TUSC3: variants seen among roughly 807,000 people sequenced by gnomAD.
The protein encoded by TUSC3 is dolichyl-diphosphooligosaccharide--protein glycosyltransferase subunit TUSC3.
In TUSC3, 45 loss-of-function variants were observed where a neutral mutation model predicts 44.8. The ratio of observed to expected loss-of-function variants is 1.00; its 90% CI spans 0.79 to 1.29. TUSC3 has a LOEUF of 1.29. TUSC3 is among the 50% of genes most tolerant of loss of function. The pLI is 0.00. For synonymous variants in TUSC3, 212 were observed against 152.9 expected, an observed-to-expected ratio of 1.39 and a Z score of -2.85; for missense variants, 519 against 437.9, an observed-to-expected ratio of 1.19 and a Z score of -1.65.
chr8:15,420,324 T>C (rs112210246), intron 1 of TUSC3, among the ~76,000 whole-genome samples: 5,384 of 151,828 alleles, frequency 0.035, 308 homozygotes, highest in African/African-American at 0.12. Flanking sequence ...TGGGGAAACC[T>C]CGTCTCTACT....
At chr8:15,459,563 C>T (rs1800312166) in intron 1 of TUSC3, among the ~76,000 whole-genome samples, 1 of 151,938 alleles carries the variant, frequency 6.6e-6, no homozygotes, top group Non-Finnish European at 1.5e-5. Flanking sequence ...TTGGTGCAGC[C>T]ATCGCCCAAG....
At chr8:15,784,718 C>T in the TUSC3 span, among the ~76,000 whole-genome samples, 6 of 151,908 alleles carry the variant, frequency 3.9e-5, no homozygotes, top group Non-Finnish European at 5.9e-5. Context: ...AGAGTCAAAC[C>T]CATCGAAGCA....
At chr8:15,622,559 C>G (rs575032638) in intron 1 of TUSC3, among the ~76,000 whole-genome samples, 76 of 152,324 alleles carry the variant, frequency 5.0e-4, no homozygotes, top group African/African-American at 1.8e-3. Context: ...AGACTAGCCA[C>G]CATAATGACT....
At chr8:15,525,807 C>T (rs1801366001) in intron 2 of TUSC3, among the ~76,000 whole-genome samples, 1 of 152,064 alleles carries the variant, frequency 6.6e-6, no homozygotes, top group Non-Finnish European at 1.5e-5. Context: ...AGCAGAGACA[C>T]AGGTGCAAAA....
At chr8:15,590,600 T>C (rs1336969361) in intron 1 of TUSC3, among the ~76,000 whole-genome samples, 3 of 152,020 alleles carry the variant, frequency 2.0e-5, no homozygotes, top group Non-Finnish European at 4.4e-5. Context: ...TGTTGCTCTA[T>C]GTGGGGGATT....
intron 1 of TUSC3, among the ~76,000 whole-genome samples, chr8:15,579,051 G>A (rs1803221662): frequency 6.6e-6 from 1 of 151,888 alleles, no homozygotes; most frequent in African/African-American, 2.4e-5. Context: ...TTGGGAGAGT[G>A]TATGTGTTGA....
At chr8:15,455,873 G>C (rs1800250567) in intron 1 of TUSC3, among the ~76,000 whole-genome samples, 1 of 152,178 alleles carries the variant, frequency 6.6e-6, no homozygotes, top group African/African-American at 2.4e-5. Flanking sequence ...GGAGGATAGA[G>C]GAGACTGAAT....
At chr8:15,745,659 G>C (rs988611185) in intron 8 of TUSC3, among the ~76,000 whole-genome samples, 13 of 151,128 alleles carry the variant, frequency 8.6e-5, no homozygotes, top group African/African-American at 3.2e-4. Flanking sequence ...TTTTTTGCTT[G>C]TGGATTTAAG....
chr8:15,421,688 C>T (rs569259211), intron 1 of TUSC3, among the ~76,000 whole-genome samples: 109 of 152,086 alleles, frequency 7.2e-4, no homozygotes, highest in African/African-American at 2.6e-3. Flanking sequence ...ATAACAGATA[C>T]TGAATGTTAA....
the TUSC3 span, among the ~76,000 whole-genome samples, chr8:15,781,926 A>G: frequency 4.3e-3 from 653 of 152,316 alleles, 15 homozygotes; most frequent in Non-Finnish European, 9.6e-4. Context: ...AGAGGTCAGG[A>G]GTTCCAGACC....
At chr8:15,710,258 A>G (rs1345503021) in intron 6 of TUSC3, among the ~76,000 whole-genome samples, 2 of 151,790 alleles carry the variant, frequency 1.3e-5, no homozygotes, top group African/African-American at 4.8e-5. Flanking sequence ...GCTACCACTT[A>G]TGCTACCTAA....
At chr8:15,612,568 A>G (rs1804809474) in intron 1 of TUSC3, among the ~76,000 whole-genome samples, 1 of 152,194 alleles carries the variant, frequency 6.6e-6, no homozygotes, top group African/African-American at 2.4e-5. Context: ...CTTGTTTATT[A>G]TACTGAGTTG....
intron 1 of TUSC3, among the ~76,000 whole-genome samples, chr8:15,446,944 C>T (rs1039239009): frequency 5.4e-5 from 8 of 149,130 alleles, no homozygotes; most frequent in African/African-American, 2.0e-4. Context: ...CTTAAAAATG[C>T]AATATTAAAA....
At chr8:15,840,633 T>G in the TUSC3 span, among the ~76,000 whole-genome samples, 2 of 152,138 alleles carry the variant, frequency 1.3e-5, no homozygotes, top group East Asian at 3.9e-4. Context: ...TAAAAATCAA[T>G]AGTTTTATAA....
chr8:15,669,297 T>G (rs901352900), intron 5 of TUSC3, among the ~76,000 whole-genome samples: 1 of 151,834 alleles, frequency 6.6e-6, no homozygotes, highest in East Asian at 1.9e-4. Flanking sequence ...TTTCATTCCA[T>G]GATGACTAAC....
intron 1 of TUSC3, among the ~76,000 whole-genome samples, chr8:15,446,625 G>T (rs1202787393): frequency 1.3e-5 from 2 of 151,550 alleles, no homozygotes; most frequent in South Asian, 2.1e-4. Flanking sequence ...CGCTCGGCAG[G>T]CTGAGGCAGG....
At chr8:15,776,122 T>G in the TUSC3 span, among the ~76,000 whole-genome samples, 8 of 152,092 alleles carry the variant, frequency 5.3e-5, no homozygotes, top group Non-Finnish European at 8.8e-5. Flanking sequence ...GGTAGTAGCC[T>G]TGAATGATGT....
chr8:15,834,686 T>C, the TUSC3 span, among the ~76,000 whole-genome samples: 1 of 152,208 alleles, frequency 6.6e-6, no homozygotes, highest in African/African-American at 2.4e-5. Context: ...TTCCTAGTCT[T>C]ATTGAGTTAA....
chr8:15,706,694 A>G (rs1809628489), intron 6 of TUSC3, among the ~76,000 whole-genome samples: 2 of 152,068 alleles, frequency 1.3e-5, no homozygotes, highest in South Asian at 4.1e-4. Flanking sequence ...TAACTTGAAA[A>G]TAAAATAATT....
Sources: gnomAD v4.1 joint callset for allele counts (sites outside exome capture counted in the v4.1 genomes callset) on GRCh38, gnomAD v4.1.1 for gene constraint, MANE v1.5 for transcripts, NCBI Gene and HGNC (gene_info 2026-07-23, HGNC 2026-07-21) for gene names.